The following ITPR3 variants were observed in gnomAD, a reference collection of about 807,000 sequenced individuals.
ITPR3 encodes the protein inositol 1,4,5-trisphosphate-gated calcium channel ITPR3.
A neutral mutation model predicts 293.2 loss-of-function variants in ITPR3; 173 were observed. That is an observed-to-expected ratio of 0.59 (90% CI 0.52 to 0.67). The LOEUF is 0.67. Ranked by LOEUF, ITPR3 falls within the 30% of genes least tolerant of loss-of-function variation. The pLI, the probability that ITPR3 is intolerant of heterozygous loss-of-function variation, is 0.00. For missense variants in ITPR3, 2,796 were observed against 3,592.1 expected, an observed-to-expected ratio of 0.78 and a Z score of 5.66; for synonymous variants, 1,295 against 1,444.4, an observed-to-expected ratio of 0.90 and a Z score of 2.35.
Position 33,680,555 on chromosome 6 carries a change from G to A in ITPR3, c.4351G>A (p.Val1451Ile). ...FENFTLDMAR[V>I]CSKREKRVAD... ...CAGCCATCCCTCTCTCCTGCCTCAG[G>A]TCTGCAGCAAGCGTGAGAAGCGCGT... is the stretch of plus-strand genomic sequence containing the variant. Residue 1451 changes from valine to isoleucine, a missense_variant and splice_region_variant, in exon 33 of 58, where the codon GTC becomes ATC. Coordinates refer to ENST00000605930, the MANE Select transcript of ITPR3 (RefSeq NM_002224.4). 2.5e-6 allele frequency: 4 copies of A among 1,613,702 alleles called. No individual in the cohort carries two copies. Among genetic ancestry groups the A allele is most frequent in the Non-Finnish European group, 8.5e-7 (1 of 1,179,836 alleles).
intron 2 of ITPR3, among the ~76,000 whole-genome samples, chr6:33,649,139 G>A (rs1238039664): frequency 2.0e-5 from 3 of 152,188 alleles, no homozygotes; most frequent in African/African-American, 4.8e-5. Context: ...TCCTGACCCC[G>A]TGATCCACCT....
chr6:33,633,720 C>T lies in ITPR3; in HGVS notation c.90-6764C>T, dbSNP rs1763739187. Reference sequence around the variant, plus strand: ...CGGCGCGTCGTGGGAGACGGCTGCACGTGGGACGGCGAGTTTCGCTTCGCC... The same window carrying T: ...CGGCGCGTCGTGGGAGACGGCTGCATGTGGGACGGCGAGTTTCGCTTCGCC... On this transcript the variant is annotated intron_variant, in intron 1 of 57. Transcript: ENST00000605930. The surrounding 1 kb of genome is among the most constrained non-coding windows in gnomAD (Gnocchi z 5.2). Among the ~76,000 whole-genome samples, 2 of 147,094 alleles carry T rather than the reference C, an allele frequency of 1.4e-5. No homozygotes were observed. Among genetic ancestry groups the T allele is most frequent in the Non-Finnish European group, 3.0e-5 (2 of 66,260 alleles).
Position 33,638,849 on chromosome 6 carries a change from T to C in ITPR3, c.90-1635T>C, listed in dbSNP as rs536087797. ...ATGAAGGAGGGAGGCCCACAGGGGC[T>C]GGCCAAGGAAGGCTTTGTAGAGTAG... On this transcript the variant is annotated intron_variant, in intron 1 of 57. Transcript: ENST00000605930. The surrounding 1 kb of genome is among the most constrained non-coding windows in gnomAD (Gnocchi z 4.3). Among the ~76,000 whole-genome samples the C allele has an allele frequency of 4.8e-4, 73 of 152,316 alleles. 1 individual carries two copies. The highest frequency in any genetic ancestry group is 7.5e-4 in the Non-Finnish European group (51 of 68,024).
At position 33,677,511 on chromosome 6, in the gene ITPR3, A is replaced by G. The variant is rs1182379097; in HGVS notation, c.3530A>G (p.Glu1177Gly). The G allele has an allele frequency of 6.2e-7, 1 of 1,613,874 alleles. No homozygotes were observed. Among genetic ancestry groups the G allele is most frequent in the African/African-American group, 1.3e-5 (1 of 74,892 alleles). ...ENYQIVKGIL[E>G]RLNKMCGVGE... ...CACCCGCCTCCCCTGCAGATCCTGGAAAGGCTGAACAAGATGTGCGGGGTT... is the reference window on the plus strand; with the variant it reads ...CACCCGCCTCCCCTGCAGATCCTGGGAAGGCTGAACAAGATGTGCGGGGTT... Residue 1177 changes from glutamate (E) to glycine (G), a missense_variant, in exon 28 of 58, where the codon GAA becomes GGA. Physicochemically the swap from Glu to Gly is moderately conservative, Grantham distance 98 (BLOSUM62 -2). This residue lies in a region of ITPR3 where 344 missense variants were observed against 460.3 expected (regional missense o/e 0.75). Transcript: ENST00000605930.
Position 33,672,698 on chromosome 6 carries a change from T to C in ITPR3, c.2928+470T>C, listed in dbSNP as rs1436928126. 6.6e-6 allele frequency among the ~76,000 whole-genome samples: 1 copy of C among 152,160 alleles called. No individual in the cohort carries two copies. ...CCCTCCAGGTGATTCTGAGGTGCAC[T>C]GAAGTCTAGTTCAATTCTCCCATTT... On this transcript the variant is annotated intron_variant, in intron 22 of 57. Coordinates refer to ENST00000605930, the MANE Select transcript of ITPR3 (RefSeq NM_002224.4). This position sits in a 1 kb window ranked among gnomAD's most constrained non-coding sequence, Gnocchi z 5.0.
In ITPR3 at chr6:33,670,716, G is replaced by A; in HGVS notation, c.2487G>A (p.Lys829=). The A allele has an allele frequency of 6.2e-7, 1 of 1,614,152 alleles. No individual in the cohort carries two copies. The highest frequency in any genetic ancestry group is 8.5e-7 in the Non-Finnish European group (1 of 1,180,026). ...CGTCCCGAGATGACAAGAAGAACAA[G>A]TTTGCCAACACCATGGAGTTCGTGG... ...LNASRDDKKN[K]FANTMEFVED... Residue 829 remains lysine (K), a synonymous_variant, in exon 20 of 58, where the codon AAG becomes AAA. Coordinates refer to ENST00000605930, the MANE Select transcript of ITPR3 (RefSeq NM_002224.4). This position sits in a 1 kb window ranked among gnomAD's most constrained non-coding sequence, Gnocchi z 6.7.
chr6:33,675,713 G>T lies in ITPR3; in HGVS notation c.3139G>T (p.Val1047Leu). Residue 1047 changes from valine to leucine, a missense_variant, in exon 25 of 58, where the codon GTG becomes TTG. Around this residue, in one of 8 missense-constraint regions of ITPR3, gnomAD observed 955 missense variants for 1,180.8 expected, o/e 0.81. Coordinates refer to ENST00000605930, the MANE Select transcript of ITPR3 (RefSeq NM_002224.4). The surrounding 1 kb of genome is among the most constrained non-coding windows in gnomAD (Gnocchi z 5.0). Reference protein sequence around the residue: ...GVGKTSSMLEVDDEGGRMFLR... With the variant: ...GVGKTSSMLELDDEGGRMFLR... ...CAGGAAGACAAGCAGCATGCTGGAG[G>T]TGGATGACGAGGGCGGCCGCATGTT... 6.2e-7 allele frequency: 1 copy of T among 1,607,724 alleles called. No homozygotes were observed. The highest frequency in any genetic ancestry group is 1.1e-5 in the South Asian group (1 of 90,308).
chr6:33,669,139 T>C lies in ITPR3; in HGVS notation c.2172T>C (p.Asn724=), dbSNP rs1376865246. The C allele has an allele frequency of 3.7e-6, 6 of 1,613,788 alleles. No individual in the cohort carries two copies. Among genetic ancestry groups the C allele is most frequent in the Non-Finnish European group, 5.1e-6 (6 of 1,179,954 alleles). ...GGGCCGGCAACGCCCACGACGAGAA[T>C]GTGCTCAGCTACTACAGGTGCCCCG... is the stretch of plus-strand genomic sequence containing the variant. ...EARAGNAHDE[N]VLSYYRYQLK... The change falls in exon 18 of 58, where the codon AAT becomes AAC. Residue 724 remains asparagine, a synonymous_variant. Transcript: ENST00000605930.
chr6:33,650,279 C>T (rs1050941555), intron 2 of ITPR3, among the ~76,000 whole-genome samples: 1 of 152,108 alleles, frequency 6.6e-6, no homozygotes, highest in African/African-American at 2.4e-5. Context: ...TGTATGGCGA[C>T]GGGCCCCGAG....
In ITPR3 at chr6:33,691,604, A is replaced by G. The variant is rs759291274; in HGVS notation, c.7226-11A>G. The G allele has an allele frequency of 1.9e-6, 3 of 1,611,798 alleles. No individual in the cohort carries two copies. Among genetic ancestry groups the G allele is most frequent in the Non-Finnish European group, 2.5e-6 (3 of 1,178,148 alleles). ...TGGACCTCCTGATGATCTCATCCAT[A>G]TCCCCTCCAGCCAGCCCCCTGGGGA... is the stretch of plus-strand genomic sequence containing the variant. On this transcript the variant is annotated splice_polypyrimidine_tract_variant and intron_variant, in intron 52 of 57. Transcript: ENST00000605930. The surrounding 1 kb of genome is among the most constrained non-coding windows in gnomAD (Gnocchi z 4.9).
chr6:33,656,012 G>A (rs534316882), intron 3 of ITPR3, 125 bp downstream of exon 3: 13 of 1,245,874 alleles, frequency 1.0e-5, no homozygotes, highest in East Asian at 7.6e-5. Flanking sequence ...TCTAAAACTC[G>A]TATGGGCGTG....
rs1287574031 is a variant in ITPR3, at chr6:33,667,147, G to T, written c.1570G>T (p.Ala524Ser). The T allele has an allele frequency of 1.9e-6, 3 of 1,614,010 alleles. No homozygotes were observed. Among genetic ancestry groups the T allele is most frequent in the South Asian group, 2.2e-5 (2 of 91,086 alleles). The change falls in exon 15 of 58, where the codon GCC (alanine) becomes TCC (serine). Residue 524 changes from alanine (A) to serine (S), a missense_variant. Physicochemically the swap from Ala to Ser is moderately conservative, Grantham distance 99. Coordinates refer to ENST00000605930, the MANE Select transcript of ITPR3 (RefSeq NM_002224.4). This position sits in a 1 kb window ranked among gnomAD's most constrained non-coding sequence, Gnocchi z 4.4. ...CCCCCAGGTCTTTGGCATTCTGAAG[G>T]CCCCGTTCCGTGAGAAGGGGGGTGA... ...ILKQVFGILK[A>S]PFREKGGEGP...
At position 33,694,810 on chromosome 6, in the gene ITPR3, C is replaced by G. The variant is rs1416939174; in HGVS notation, c.7786-114C>G. The G allele has an allele frequency of 9.1e-6, 12 of 1,314,010 alleles. No homozygotes were observed. The East Asian group carries it at 2.6e-4, about 28-fold the overall frequency. 81.4% of individuals were successfully genotyped at this position (1,314,010 alleles called of 1,614,324 possible). A position where few individuals can be genotyped will look rare whatever the true frequency, so the allele number is the denominator to read the frequency against. ...AGATTTTCCCATGACACATCCCTGACGAGTAGTTTTGTTAAGGGTGTGGCA... is the reference window on the plus strand; with the variant it reads ...AGATTTTCCCATGACACATCCCTGAGGAGTAGTTTTGTTAAGGGTGTGGCA... On this transcript the variant is annotated intron_variant, in intron 56 of 57. Transcript: ENST00000605930.
At chr6:33,647,371 T>C (rs1379231885) in intron 2 of ITPR3, among the ~76,000 whole-genome samples, 1 of 151,810 alleles carries the variant, frequency 6.6e-6, no homozygotes, top group East Asian at 1.9e-4. Flanking sequence ...TAACAAGGAG[T>C]TTCCCATCTT....
At position 33,691,836 on chromosome 6, in the gene ITPR3, G is replaced by C. The variant is rs774076067; in HGVS notation, c.7366G>C (p.Asp2456His). Reference sequence around the variant, plus strand: ...GCTGGACAGCACAGAGCGGGCCTGTGACACTCTGTTGATGTGCATCGTCAC... The same window carrying C: ...GCTGGACAGCACAGAGCGGGCCTGTCACACTCTGTTGATGTGCATCGTCAC... ...RELDSTERACDTLLMCIVTVM... is the reference protein window; with the variant it reads ...RELDSTERACHTLLMCIVTVM... Residue 2456 changes from aspartate to histidine, a missense_variant, in exon 54 of 58, where the codon GAC (aspartate) becomes CAC (histidine). Transcript: ENST00000605930. This position sits in a 1 kb window ranked among gnomAD's most constrained non-coding sequence, Gnocchi z 4.9. The C allele has an allele frequency of 6.2e-7, 1 of 1,614,118 alleles. No individual in the cohort carries two copies. The highest frequency in any genetic ancestry group is 8.5e-7 in the Non-Finnish European group (1 of 1,179,996).
chr6:33,679,813 G>C lies in ITPR3; in HGVS notation c.3973-69G>C. 2 of 1,536,440 alleles carry C rather than the reference G, an allele frequency of 1.3e-6. No individual in the cohort carries two copies. The highest frequency in any genetic ancestry group is 1.8e-6 in the Non-Finnish European group (2 of 1,135,546). ...CAGAGTCCCAGTTTCTCCCTGGTAA[G>C]CAACGGAGAGGAGAGCCCAGGGCTT... On this transcript the variant is annotated intron_variant, in intron 30 of 57. Coordinates refer to ENST00000605930, the MANE Select transcript of ITPR3 (RefSeq NM_002224.4). The surrounding 1 kb of genome is among the most constrained non-coding windows in gnomAD (Gnocchi z 4.2).
At chr6:33,695,307 G>A in intron 57 of ITPR3, 1 of 591,798 alleles carries the variant, frequency 1.7e-6, no homozygotes, top group Non-Finnish European at 3.0e-6. Context: ...GGAAACTTTA[G>A]TACAGGGTGG....
rs1397030985 is a variant in ITPR3 at position 33,687,656 on chromosome 6, C to A, written c.6264+92C>A. On this transcript the variant is annotated intron_variant, in intron 46 of 57. Transcript: ENST00000605930. The surrounding 1 kb of genome is among the most constrained non-coding windows in gnomAD (Gnocchi z 5.3). ...GGGCGTGGCCTGGAACAGAGTGAGG[C>A]CCTAGAATATGAGCCAGGCTAGAAT... The A allele has an allele frequency of 3.9e-6, 4 of 1,022,052 alleles. No individual in the cohort carries two copies. Among genetic ancestry groups the A allele is most frequent in the African/African-American group, 1.6e-5 (1 of 63,090 alleles). 63.3% of individuals were successfully genotyped at this position (1,022,052 alleles called of 1,614,324 possible). A position where few individuals can be genotyped will look rare whatever the true frequency, so the allele number is the denominator to read the frequency against.
Position 33,691,490 on chromosome 6 carries a change from G to A in ITPR3, c.7226-125G>A. The A allele has an allele frequency of 1.3e-6, 1 of 764,484 alleles. No homozygotes were observed. Among genetic ancestry groups the A allele is most frequent in the Non-Finnish European group, 2.2e-6 (1 of 458,474 alleles). The allele number at this position is 764,484 out of a possible 1,614,324, so 47.4% of individuals were successfully genotyped here. ...AGCGTGATGACCCTTCACTGTGGCT[G>A]GACAGTGGAGGGCTGGCGATCCAGG... On this transcript the variant is annotated intron_variant, in intron 52 of 57. Transcript: ENST00000605930. This position sits in a 1 kb window ranked among gnomAD's most constrained non-coding sequence, Gnocchi z 4.9.
Sources: allele counts gnomAD v4.1 joint callset (sites outside exome capture counted in the v4.1 genomes callset), GRCh38; gene constraint gnomAD v4.1.1; regional missense constraint gnomAD v4.1.1; non-coding constraint Gnocchi (gnomAD v3.1); transcripts MANE v1.5; gene names NCBI Gene and HGNC (gene_info 2026-07-23, HGNC 2026-07-21).